The following ARHGAP6 variants were observed in gnomAD, a reference collection of about 807,000 sequenced individuals.
ARHGAP6 encodes Rho GTPase activating protein 6, also known as rho GTPase-activating protein 6.
Under a neutral mutation model 55.7 loss-of-function variants are expected in ARHGAP6, and 16 were observed. The ratio of observed to expected loss-of-function variants is 0.29; its 90% CI spans 0.19 to 0.44. ARHGAP6 has a LOEUF of 0.44. ARHGAP6 is among the 20% of genes least tolerant of loss of function. The pLI is 1.00. For missense variants in ARHGAP6, 698 were observed against 808.9 expected (o/e 0.86, Z 1.66); for synonymous variants, 382 against 360.9 (o/e 1.06, Z -0.66).
chrX:11,311,143 A>G (rs1009774446), intron 1 of ARHGAP6, among the ~76,000 whole-genome samples: 26 of 111,746 alleles, frequency 2.3e-4, no homozygotes, highest in African/African-American at 7.8e-4. Flanking sequence ...TTTCACTATC[A>G]TAAGTAAAAA....
At chrX:11,539,985 G>A (rs1944870026) in intron 1 of ARHGAP6, among the ~76,000 whole-genome samples, 1 of 111,335 alleles carries the variant, frequency 9.0e-6, no homozygotes, top group South Asian at 3.9e-4. Flanking sequence ...GCTGGGTACG[G>A]TGGCTCATGC....
intron 1 of ARHGAP6, among the ~76,000 whole-genome samples, chrX:11,554,631 T>C (rs1479590287): frequency 8.9e-6 from 1 of 112,160 alleles, no homozygotes; most frequent in Non-Finnish European, 1.9e-5. Context: ...AGTTAGAAAT[T>C]TGGTTTCTCA....
chrX:11,238,442 A>T (rs1362769279), intron 2 of ARHGAP6, among the ~76,000 whole-genome samples: 1 of 111,948 alleles, frequency 8.9e-6, no homozygotes, highest in Non-Finnish European at 1.9e-5. Flanking sequence ...ACCCTCTGAT[A>T]GTCAACAGTT....
Position 11,664,968 on chromosome X carries a change from GC to G in ARHGAP6, c.-141del. On this transcript the variant is annotated 5_prime_UTR_variant, in exon 1 of 13. Transcript: ENST00000337414. ...TTTGCCCAGGGCAGTGGAGAGCAAA[GC>G]CCAGCTCACGCGCCGCCGGTGCGCT... The G allele has an allele frequency of 1.7e-6, 1 of 571,622 alleles. No homozygotes were observed. Among genetic ancestry groups the G allele is most frequent in the Non-Finnish European group, 2.6e-6 (1 of 387,174 alleles). 47.1% of individuals were successfully genotyped at this position (571,622 alleles called of 1,213,427 possible).
Position 11,153,747 on chromosome X carries a change from G to A in ARHGAP6, c.1907+2782C>T, listed in dbSNP as rs186134126. 8.2e-5 allele frequency among the ~76,000 whole-genome samples: 9 copies of A among 110,376 alleles called. No homozygotes were observed. In the East Asian group the frequency reaches 2.6e-3, roughly 31 times the overall value. On this transcript the variant is annotated intron_variant, in intron 10 of 12. Coordinates refer to ENST00000337414, the MANE Select transcript of ARHGAP6 (RefSeq NM_013427.3). ...TCTCCTAAGTAAGTCTTCCCCCAGT[G>A]TTTTCTGTTCACTGATAATGCTAGT...
At chrX:11,207,190 TTTC>T (rs1422450624) in intron 2 of ARHGAP6, among the ~76,000 whole-genome samples, 14 of 101,463 alleles carry the variant, frequency 1.4e-4, no homozygotes, top group Admixed American at 1.1e-4. Context: ...TATTCATTTT[TTTC>T]TTCTTCTTTT....
chrX:11,298,045 C>T (rs934496503), intron 1 of ARHGAP6: 1 of 1,084,230 alleles, frequency 9.2e-7, no homozygotes, highest in African/African-American at 1.8e-5. Flanking sequence ...GATGTAAACA[C>T]AGTGCCTGTC....
intron 2 of ARHGAP6, among the ~76,000 whole-genome samples, chrX:11,221,999 C>T (rs181950590): frequency 7.2e-5 from 8 of 110,963 alleles, no homozygotes; most frequent in African/African-American, 2.6e-4. Context: ...ATTCTATTGT[C>T]ACAGCTTTCT....
intron 1 of ARHGAP6, among the ~76,000 whole-genome samples, chrX:11,257,954 A>G (rs986608612): frequency 1.5e-4 from 17 of 111,484 alleles, no homozygotes; most frequent in African/African-American, 5.5e-4. Context: ...TGAGTTTGAG[A>G]AAACAGGCTT....
At chrX:11,436,563 T>C (rs1422250778) in intron 1 of ARHGAP6, among the ~76,000 whole-genome samples, 2 of 112,191 alleles carry the variant, frequency 1.8e-5, no homozygotes. Flanking sequence ...AATGAAAACA[T>C]ATGTCCACAA....
chrX:11,543,951 T>C (rs974685727), intron 1 of ARHGAP6, among the ~76,000 whole-genome samples: 3 of 112,893 alleles, frequency 2.7e-5, no homozygotes, highest in Non-Finnish European at 3.7e-5. Context: ...CAGATACTTG[T>C]TATAGATTGA....
At chrX:11,326,740 G>A (rs142465160) in intron 1 of ARHGAP6, among the ~76,000 whole-genome samples, 1,154 of 111,870 alleles carry the variant, frequency 0.01, 20 homozygotes, top group African/African-American at 0.035. Context: ...TTAAGTAAAC[G>A]TTTTCATTTT....
intron 1 of ARHGAP6, among the ~76,000 whole-genome samples, chrX:11,572,238 G>A (rs2051529560): frequency 9.1e-6 from 1 of 109,814 alleles, no homozygotes; most frequent in South Asian, 4.0e-4. Flanking sequence ...TGCACAATGT[G>A]CAGGTTAGTT....
intron 1 of ARHGAP6, among the ~76,000 whole-genome samples, chrX:11,418,753 A>G (rs1464559916): frequency 8.9e-6 from 1 of 111,829 alleles, no homozygotes; most frequent in Non-Finnish European, 1.9e-5. Flanking sequence ...TGGAGCTGGC[A>G]TAGCACCTGA....
At chrX:11,291,474 G>A (rs1012973299) in intron 1 of ARHGAP6, among the ~76,000 whole-genome samples, 25 of 110,733 alleles carry the variant, frequency 2.3e-4, no homozygotes, top group African/African-American at 7.9e-4. Context: ...AAACTACAAG[G>A]CTACTAGTAA....
At chrX:11,273,503 C>T (rs2047716917) in intron 1 of ARHGAP6, among the ~76,000 whole-genome samples, 1 of 110,341 alleles carries the variant, frequency 9.1e-6, no homozygotes. Context: ...TACATAATCG[C>T]TTTGTTGACC....
At chrX:11,436,471 A>C (rs1485747243) in intron 1 of ARHGAP6, among the ~76,000 whole-genome samples, 3 of 112,621 alleles carry the variant, frequency 2.7e-5, no homozygotes, top group Non-Finnish European at 5.6e-5. Context: ...GAAGTTAAGG[A>C]GACTCAGATT....
intron 9 of ARHGAP6, among the ~76,000 whole-genome samples, chrX:11,166,150 C>T (rs1368195817): frequency 1.8e-5 from 2 of 111,571 alleles, no homozygotes; most frequent in Non-Finnish European, 3.8e-5. Context: ...CGCCCTTTCC[C>T]ATTAACTCAG....
chrX:11,326,819 C>G (rs1223703694), intron 1 of ARHGAP6, among the ~76,000 whole-genome samples: 2 of 112,011 alleles, frequency 1.8e-5, no homozygotes, highest in Non-Finnish European at 3.8e-5. Flanking sequence ...ATGAACTAAA[C>G]ACTTGTTAAA....
Sources: allele counts gnomAD v4.1 joint callset (sites outside exome capture counted in the v4.1 genomes callset), GRCh38; gene constraint gnomAD v4.1.1; transcripts MANE v1.5; gene names NCBI Gene and HGNC (gene_info 2026-07-23, HGNC 2026-07-21).